Variants in MYO1H observed in about 807,000 individuals in gnomAD.
MYO1H encodes the protein unconventional myosin-Ih.
MYO1H carries 118 observed loss-of-function variants against 149.3 expected under a neutral mutation model. That is an observed-to-expected ratio of 0.79 (90% CI 0.68 to 0.92). MYO1H has a LOEUF of 0.92. Among genes scored for constraint, MYO1H ranks in the 40% least tolerant of loss-of-function variants. The probability of loss-of-function intolerance (pLI) is 0.00; values close to 1 mark genes in which losing one functional copy is unlikely to be tolerated. For synonymous variants in MYO1H, 447 were observed against 465.2 expected (o/e 0.96, Z 0.50); for missense variants, 1,212 against 1,280.7 (o/e 0.95, Z 0.82).
At chr12:109,380,358 G>T (rs954074760) in intron 1 of MYO1H, among the ~76,000 whole-genome samples, 1 of 151,548 alleles carries the variant, frequency 6.6e-6, no homozygotes, top group African/African-American at 2.4e-5. Context: ...AAATCAATCC[G>T]CTGACATAAA....
At chr12:109,367,334 A>G (rs1868885145) in intron 1 of MYO1H, among the ~76,000 whole-genome samples, 1 of 152,190 alleles carries the variant, frequency 6.6e-6, no homozygotes, top group South Asian at 2.1e-4. Context: ...AAAAAGAGAT[A>G]CAAAAGCCCG....
chr12:109,389,481 CT>C (rs1869542089), intron 2 of MYO1H, among the ~76,000 whole-genome samples: 1 of 152,086 alleles, frequency 6.6e-6, no homozygotes, highest in African/African-American at 2.4e-5. Context: ...CCAAAGGACT[CT>C]GTTGGGAGAA....
At chr12:109,311,762 T>C in the MYO1H span, among the ~76,000 whole-genome samples, 1 of 152,204 alleles carries the variant, frequency 6.6e-6, no homozygotes, top group Non-Finnish European at 1.5e-5. Context: ...AGGCCTTATA[T>C]TGGTCCTGAT....
chr12:109,442,795 C>CTTTTTTT (rs747073389), intron 27 of MYO1H, among the ~76,000 whole-genome samples: 5 of 94,014 alleles, frequency 5.3e-5, no homozygotes, highest in African/African-American at 7.9e-5. Context: ...AGTGTCTGCT[C>CTTTTTTT]TTTTTTTTTT....
exon 28 of MYO1H, chr12:109,443,581 C>T (rs377261328): frequency 1.9e-6 from 3 of 1,613,766 alleles, no homozygotes; most frequent in South Asian, 2.2e-5. Flanking sequence ...CTCATTCTTA[C>T]TCAGAAAGCA....
intron 31 of MYO1H, chr12:109,446,134 T>C: frequency 1.0e-6 from 1 of 985,468 alleles, no homozygotes. Flanking sequence ...AGGCTGCCCA[T>C]GTTAATACCT....
Position 109,443,154 on chromosome 12 carries a change from G to GTGTGTATATGTGTACGTA in MYO1H, c.2689-355_2689-354insATATGTGTACGTATGTGT, listed in dbSNP as rs1566045046. ...TATATGTGTGTATATGTGTACGTATGTGTGTGTATATGTGTACGTATGTGT... is the reference window on the plus strand; with the variant it reads ...TATATGTGTGTATATGTGTACGTATGTGTGTATATGTGTACGTATGTGTGTATATGTGTACGTATGTGT... On this transcript the variant is annotated intron_variant, in intron 27 of 31. Transcript: ENST00000310903. Among the ~76,000 whole-genome samples, 2 of 52,302 alleles carry GTGTGTATATGTGTACGTA rather than the reference G, an allele frequency of 3.8e-5. 1 individual carries two copies. Among genetic ancestry groups the GTGTGTATATGTGTACGTA allele is most frequent in the East Asian group, 1.0e-3 (2 of 1,930 alleles). 34.3% of individuals were successfully genotyped at this position (52,302 alleles called of 152,430 possible).
At chr12:109,390,988 C>A (rs923984095) in intron 2 of MYO1H, among the ~76,000 whole-genome samples, 1 of 152,166 alleles carries the variant, frequency 6.6e-6, no homozygotes, top group African/African-American at 2.4e-5. Flanking sequence ...GCCAGAGAGA[C>A]CTTTAAGAAC....
chr12:109,383,973 C>T (rs1161077632), intron 1 of MYO1H, among the ~76,000 whole-genome samples: 1 of 152,196 alleles, frequency 6.6e-6, no homozygotes, highest in Non-Finnish European at 1.5e-5. Flanking sequence ...AGCAACAGGT[C>T]TAAACCATCC....
chr12:109,393,243 C>A, intron 2 of MYO1H, 88 bp from the exon 3 acceptor site: 1 of 803,028 alleles, frequency 1.2e-6, no homozygotes, highest in Non-Finnish European at 2.1e-6. Flanking sequence ...TTAAATCCTC[C>A]ATGTGGAATG....
At chr12:109,415,938 T>G (rs1870884727) in intron 15 of MYO1H, among the ~76,000 whole-genome samples, 1 of 150,848 alleles carries the variant, frequency 6.6e-6, no homozygotes, top group African/African-American at 2.4e-5. Context: ...TTTTATTTTA[T>G]TTTATTTTAT....
chr12:109,426,757 T>C (rs986720674), intron 18 of MYO1H, among the ~76,000 whole-genome samples: 11 of 152,158 alleles, frequency 7.2e-5, no homozygotes, highest in African/African-American at 2.4e-4. Flanking sequence ...GGAACCATTA[T>C]AATGAACTAT....
intron 1 of MYO1H, among the ~76,000 whole-genome samples, chr12:109,370,878 G>A (rs1868966968): frequency 6.6e-6 from 1 of 152,208 alleles, no homozygotes; most frequent in Non-Finnish European, 1.5e-5. Flanking sequence ...GAGGCTTCTA[G>A]AAGGGCTCAG....
chr12:109,345,057 A>G (rs2048098518), upstream of MYO1H, among the ~76,000 whole-genome samples: 2 of 152,134 alleles, frequency 1.3e-5, no homozygotes, highest in South Asian at 2.1e-4. Context: ...TTTCTTAGAC[A>G]TTATACTTAA....
chr12:109,419,311 G>C (rs967576497), intron 15 of MYO1H, among the ~76,000 whole-genome samples: 1 of 152,022 alleles, frequency 6.6e-6, no homozygotes, highest in Non-Finnish European at 1.5e-5. Context: ...GATGTGGTGG[G>C]GCGGGGGCAT....
chr12:109,327,320 A>G, the MYO1H span, among the ~76,000 whole-genome samples: 1 of 150,512 alleles, frequency 6.6e-6, no homozygotes, highest in African/African-American at 2.4e-5. Context: ...TTTTTAGTAG[A>G]GATGGGGTTT....
intron 1 of MYO1H, among the ~76,000 whole-genome samples, chr12:109,385,778 C>A (rs932005382): frequency 6.6e-6 from 1 of 152,026 alleles, no homozygotes; most frequent in Non-Finnish European, 1.5e-5. Flanking sequence ...TATCATAAAT[C>A]CCCCTCTACC....
chr12:109,376,027 A>G (rs1035789819), intron 1 of MYO1H, among the ~76,000 whole-genome samples: 16 of 152,212 alleles, frequency 1.1e-4, no homozygotes, highest in African/African-American at 3.9e-4. Context: ...CCCCAAGGCC[A>G]TGAAGATATC....
exon 32 of MYO1H, chr12:109,447,204 TAC>T: frequency 1.3e-6 from 2 of 1,587,850 alleles, no homozygotes; most frequent in Non-Finnish European, 1.7e-6. Flanking sequence ...GTCTGACCTC[TAC>T]CATCGCCATT....
Sources: gnomAD v4.1 joint callset for allele counts (sites outside exome capture counted in the v4.1 genomes callset) on GRCh38, gnomAD v4.1.1 for gene constraint, MANE v1.5 for transcripts, NCBI Gene and HGNC (gene_info 2026-07-23, HGNC 2026-07-21) for gene names.